Variants in ATE1 observed in about 807,000 individuals in gnomAD.
ATE1 encodes arginyl-tRNA--protein transferase 1.
In ATE1, 36 loss-of-function variants were observed where a neutral mutation model predicts 70.5. The ratio of observed to expected loss-of-function variants is 0.51; its 90% CI spans 0.39 to 0.67. The LOEUF (loss-of-function observed/expected upper bound fraction) is 0.67, where lower values mean the gene tolerates loss of function less well. ATE1 is among the 30% of genes least tolerant of loss of function. The pLI is 0.00. For synonymous variants in ATE1, 232 were observed against 219.3 expected, an observed-to-expected ratio of 1.06 and a Z score of -0.51; for missense variants, 593 against 629.5, an observed-to-expected ratio of 0.94 and a Z score of 0.62.
intron 3 of ATE1, among the ~76,000 whole-genome samples, chr10:121,918,228 G>A (rs1951736594): frequency 6.6e-6 from 1 of 151,944 alleles, no homozygotes; most frequent in South Asian, 2.1e-4. Flanking sequence ...AGCTACTCAG[G>A]AGGCTGAGGC....
chr10:121,838,023 G>T (rs530557569), intron 9 of ATE1, among the ~76,000 whole-genome samples: 14 of 152,026 alleles, frequency 9.2e-5, no homozygotes, highest in Non-Finnish European at 2.1e-4. Flanking sequence ...GGTCTTTTGG[G>T]CTTTCTCTCT....
Position 121,741,838 on chromosome 10 carries a change from T to A in ATE1, c.*1842A>T, listed in dbSNP as rs775779703. On this transcript the variant is annotated 3_prime_UTR_variant, in exon 12 of 12. Transcript: ENST00000224652. ...TATTAAAATTACATAGGTATGTGTG[T>A]ATACATACATGACAGTTCTTTTCTC... The A allele has an allele frequency of 1.3e-5, 2 of 152,248 alleles. No individual in the cohort carries two copies. Among genetic ancestry groups the A allele is most frequent in the Non-Finnish European group, 2.9e-5 (2 of 68,040 alleles). 9.4% of individuals were successfully genotyped at this position (152,248 alleles called of 1,614,324 possible). A position where few individuals can be genotyped will look rare whatever the true frequency, so the allele number is the denominator to read the frequency against.
intron 8 of ATE1, among the ~76,000 whole-genome samples, chr10:121,857,379 G>A (rs1391333624): frequency 1.3e-5 from 2 of 152,160 alleles, no homozygotes; most frequent in Non-Finnish European, 2.9e-5. Context: ...CTGATTCTGT[G>A]TTGGTTTGCT....
Position 121,841,139 on chromosome 10 carries a change from T to C in ATE1, c.1100A>G (p.Tyr367Cys), listed in dbSNP as rs1948614407. 1 of 1,593,124 alleles carries C rather than the reference T, an allele frequency of 6.3e-7. No individual in the cohort carries two copies. The highest frequency in any genetic ancestry group is 8.6e-7 in the Non-Finnish European group (1 of 1,167,018). The stretch of plus-strand genomic sequence containing the variant: ...CGAATAATCAGGATCGTAGTACAAA[T>C]ACACAGATGATACACAGTTTGGGAG... ...DILPNCVSSV[Y>C]LYYDPDYSFL... Residue 367 changes from tyrosine to cysteine, a missense_variant, in exon 9 of 12, where the codon TAT (tyrosine) becomes TGT (cysteine). Tyr to Cys is a radical substitution (Grantham distance 194, BLOSUM62 -2). Transcript: ENST00000224652.
chr10:121,830,092 G>T (rs546991309), intron 10 of ATE1, among the ~76,000 whole-genome samples: 1 of 152,302 alleles, frequency 6.6e-6, no homozygotes, highest in Admixed American at 6.5e-5. Flanking sequence ...TGACTGAAAA[G>T]ATCTACTTTA....
At chr10:121,792,996 G>A (rs918339260) in intron 10 of ATE1, among the ~76,000 whole-genome samples, 2 of 152,008 alleles carry the variant, frequency 1.3e-5, no homozygotes, top group Admixed American at 6.5e-5. Flanking sequence ...GCCAAAAACT[G>A]GGAGAAAATT....
At chr10:121,764,413 A>G (rs1380140266) in intron 11 of ATE1, among the ~76,000 whole-genome samples, 1 of 151,556 alleles carries the variant, frequency 6.6e-6, no homozygotes, top group Non-Finnish European at 1.5e-5. Flanking sequence ...AAGACAAGAG[A>G]ATTGCTTGAA....
At chr10:121,894,199 ATGGAAG>A (rs1422326596) in intron 7 of ATE1, among the ~76,000 whole-genome samples, 1 of 152,162 alleles carries the variant, frequency 6.6e-6, no homozygotes, top group East Asian at 1.9e-4. Flanking sequence ...GGAAATGGAA[ATGGAAG>A]TAAAATGGAA....
In ATE1 at chr10:121,902,519, G is replaced by A; in HGVS notation, c.685C>T (p.Leu229Phe). 1 of 1,614,190 alleles carries A rather than the reference G, an allele frequency of 6.2e-7. No individual in the cohort carries two copies. Among genetic ancestry groups the A allele is most frequent in the Admixed American group, 1.7e-5 (1 of 60,018 alleles). The change falls in exon 6 of 12, where the codon CTT becomes TTT. Residue 229 changes from leucine (L) to phenylalanine (F), a missense_variant. Physicochemically the swap from Leu to Phe is conservative, Grantham distance 22. Transcript: ENST00000224652. ...KLMQQNPAGE[L>F]EGFQAQGHPP... ...TGACCTTGAGCCTGGAAACCCTCAA[G>A]TTCTCCAGCTGGGTTCTGCTGCATT... is the stretch of plus-strand genomic sequence containing the variant.
intron 11 of ATE1, among the ~76,000 whole-genome samples, chr10:121,776,427 C>T (rs558270344): frequency 6.6e-6 from 1 of 152,180 alleles, no homozygotes; most frequent in Non-Finnish European, 1.5e-5. Context: ...TAAGATGATA[C>T]ATGATAACCC....
At chr10:121,751,008 T>C (rs1944556008) in intron 11 of ATE1, among the ~76,000 whole-genome samples, 1 of 152,158 alleles carries the variant, frequency 6.6e-6, no homozygotes, top group Non-Finnish European at 1.5e-5. Flanking sequence ...GAAAGGAAGC[T>C]TTTCAGCATA....
intron 1 of ATE1, chr10:121,926,591 GA>G (rs1208818580): frequency 7.2e-5 from 39 of 545,008 alleles, no homozygotes; most frequent in African/African-American, 2.1e-4. Flanking sequence ...ACAATTATTG[GA>G]AAAAAATAAG....
chr10:121,840,998 T>A, intron 9 of ATE1, 84 bp downstream of exon 9: 2 of 1,213,396 alleles, frequency 1.6e-6, no homozygotes, highest in Non-Finnish European at 2.2e-6. Context: ...GGACTTCTAC[T>A]GTTACATAAT....
intron 11 of ATE1, among the ~76,000 whole-genome samples, chr10:121,776,993 A>T (rs4752594): frequency 0.94 from 143,822 of 152,334 alleles, 68,129 homozygotes; most frequent in Non-Finnish European, 0.98. Context: ...ATCATACATC[A>T]TACATTTGTG....
chr10:121,928,237 G>T, upstream of ATE1: 1 of 1,391,118 alleles, frequency 7.2e-7, no homozygotes. Flanking sequence ...GATGGGGAGA[G>T]TCAAGAGGGG....
At chr10:121,838,618 A>G (rs1055301996) in intron 9 of ATE1, among the ~76,000 whole-genome samples, 2 of 152,118 alleles carry the variant, frequency 1.3e-5, no homozygotes, top group Non-Finnish European at 2.9e-5. Context: ...CACCACCTCT[A>G]ATTTTATTTG....
At position 121,790,029 on chromosome 10, in the gene ATE1, T is replaced by TACACACACAC. The variant is rs3036895; in HGVS notation, c.1378+130_1378+139dup. On this transcript the variant is annotated intron_variant, in intron 11 of 11. Transcript: ENST00000224652. ...GCATGTGCAAAGTCTTCCTCTATCT[T>TACACACACAC]ACACACACACACACACTCATGCACA... The TACACACACAC allele has an allele frequency of 1.1e-5, 10 of 889,068 alleles. No individual in the cohort carries two copies. In the South Asian group the frequency reaches 1.3e-4, roughly 12 times the overall value. 55.1% of individuals were successfully genotyped at this position (889,068 alleles called of 1,614,324 possible).
At chr10:121,830,448 C>A (rs1333896058) in intron 10 of ATE1, among the ~76,000 whole-genome samples, 1 of 152,158 alleles carries the variant, frequency 6.6e-6, no homozygotes, top group African/African-American at 2.4e-5. Context: ...CAGCATAGGA[C>A]CCTCACCAGA....
At chr10:121,884,603 G>C (rs916848518) in intron 7 of ATE1, among the ~76,000 whole-genome samples, 2 of 152,050 alleles carry the variant, frequency 1.3e-5, no homozygotes, top group African/African-American at 2.4e-5. Flanking sequence ...CAATGAAAAA[G>C]AGGGAGGAAG....
Sources: allele counts gnomAD v4.1 joint callset (sites outside exome capture counted in the v4.1 genomes callset), GRCh38; gene constraint gnomAD v4.1.1; transcripts MANE v1.5; gene names NCBI Gene and HGNC (gene_info 2026-07-23, HGNC 2026-07-21).